The following HPSE2 variants were observed in gnomAD, a reference collection of about 807,000 sequenced individuals.
HPSE2 encodes the protein heparanase 2 (inactive).
In HPSE2, 38 loss-of-function variants were observed where a neutral mutation model predicts 60.5. The ratio of observed to expected loss-of-function variants is 0.63; its 90% CI spans 0.48 to 0.82. The LOEUF (loss-of-function observed/expected upper bound fraction) is 0.82. Among genes scored for constraint, HPSE2 ranks in the 40% least tolerant of loss-of-function variants. The pLI, the probability that HPSE2 is intolerant of heterozygous loss-of-function variation, is 0.00. For synonymous variants in HPSE2, 295 were observed against 293.2 expected (o/e 1.01, Z -0.06); for missense variants, 713 against 740.4 (o/e 0.96, Z 0.43).
intron 9 of HPSE2, among the ~76,000 whole-genome samples, chr10:98,582,393 A>C (rs1310930465): frequency 6.6e-6 from 1 of 152,240 alleles, no homozygotes; most frequent in Non-Finnish European, 1.5e-5. Context: ...AAATAATACT[A>C]TTACAGATTA....
At chr10:98,716,469 A>T (rs908693631) in intron 5 of HPSE2, among the ~76,000 whole-genome samples, 25 of 151,860 alleles carry the variant, frequency 1.6e-4, no homozygotes, top group East Asian at 5.8e-4. Flanking sequence ...AAATAAATTT[A>T]AAAAAATAAT....
intron 5 of HPSE2, among the ~76,000 whole-genome samples, chr10:98,721,321 A>C (rs1016529232): frequency 1.3e-5 from 2 of 152,162 alleles, no homozygotes; most frequent in African/African-American, 4.8e-5. Context: ...ACTGGTATAG[A>C]GTAATTTTTT....
At chr10:98,751,909 A>T (rs1458489018) in intron 3 of HPSE2, among the ~76,000 whole-genome samples, 1 of 152,230 alleles carries the variant, frequency 6.6e-6, no homozygotes, top group East Asian at 1.9e-4. Flanking sequence ...ATTACTGAGA[A>T]GTTAAAATTT....
intron 3 of HPSE2, among the ~76,000 whole-genome samples, chr10:98,749,470 T>C (rs1477632771): frequency 6.6e-6 from 1 of 151,242 alleles, no homozygotes; most frequent in Non-Finnish European, 1.5e-5. Flanking sequence ...TATATACATA[T>C]ATACATGCAT....
the HPSE2 span, among the ~76,000 whole-genome samples, chr10:99,268,788 C>G: frequency 6.6e-6 from 1 of 152,074 alleles, no homozygotes; most frequent in Non-Finnish European, 1.5e-5. Flanking sequence ...AATAGTACCT[C>G]ACATCTCAAT....
rs1955638810 is a variant in HPSE2, at chr10:98,960,708, TTTTTTTTTTTTTGTTTTATTTTTTTTA to T, written c.610+183503_610+183529del. Among the ~76,000 whole-genome samples the T allele has an allele frequency of 1.8e-4, 10 of 54,690 alleles. 1 individual carries two copies. The highest frequency in any genetic ancestry group is 8.4e-4 in the African/African-American group (9 of 10,758). 35.9% of individuals were successfully genotyped at this position (54,690 alleles called of 152,430 possible). A position where few individuals can be genotyped will look rare whatever the true frequency, so the allele number is the denominator to read the frequency against. On this transcript the variant is annotated intron_variant, in intron 3 of 11. Transcript: ENST00000370552. Reference sequence around the variant, plus strand: ...AGTTAACTATGTACATTTCTTTTTTTTTTTTTTTTTTTGTTTTATTTTTTTTATTTTATTTTTTTTTTTATTATACTC... The same window carrying T: ...AGTTAACTATGTACATTTCTTTTTTTTTTTATTTTTTTTTTTATTATACTC...
chr10:99,065,431 AC>A lies in HPSE2; in HGVS notation c.610+78806del, dbSNP rs79473873. Among the ~76,000 whole-genome samples, 184 of 151,662 alleles carry A rather than the reference AC, an allele frequency of 1.2e-3. 1 individual carries two copies. The highest frequency in any genetic ancestry group is 4.0e-3 in the African/African-American group (166 of 41,468). ...ACAAATTTACATTGATTAGTAAAAAACAAAACAAAACAAAGGAATATAGCTA... is the reference window on the plus strand; with the variant it reads ...ACAAATTTACATTGATTAGTAAAAAAAAAACAAAACAAAGGAATATAGCTA... On this transcript the variant is annotated intron_variant, in intron 3 of 11. Transcript: ENST00000370552.
chr10:99,159,460 T>C (rs1846731829), intron 2 of HPSE2, among the ~76,000 whole-genome samples: 1 of 152,202 alleles, frequency 6.6e-6, no homozygotes, highest in Non-Finnish European at 1.5e-5. Context: ...TTCATATATG[T>C]AATAAAATTT....
At chr10:99,095,958 T>C (rs1843704840) in intron 3 of HPSE2, among the ~76,000 whole-genome samples, 1 of 152,168 alleles carries the variant, frequency 6.6e-6, no homozygotes, top group Non-Finnish European at 1.5e-5. Context: ...TGGTCTTACC[T>C]TATGGTGAAA....
intron 7 of HPSE2, among the ~76,000 whole-genome samples, chr10:98,633,518 T>G (rs1589541789): frequency 1.3e-5 from 2 of 152,294 alleles, no homozygotes; most frequent in African/African-American, 4.8e-5. Flanking sequence ...CAGCCCATGA[T>G]TTTCTTAATA....
intron 3 of HPSE2, among the ~76,000 whole-genome samples, chr10:99,118,981 A>C (rs755021331): frequency 4.2e-4 from 64 of 151,812 alleles, no homozygotes; most frequent in Non-Finnish European, 7.5e-4. Context: ...GTGCCACTGC[A>C]CTCCAGCCTG....
chr10:99,215,651 C>T (rs186251803), intron 2 of HPSE2, among the ~76,000 whole-genome samples: 11 of 152,260 alleles, frequency 7.2e-5, no homozygotes, highest in South Asian at 6.2e-4. Flanking sequence ...GCGTCACAAA[C>T]GACCACATGT....
intron 3 of HPSE2, among the ~76,000 whole-genome samples, chr10:98,794,981 G>A (rs1950741475): frequency 7.0e-6 from 1 of 142,778 alleles, no homozygotes. Flanking sequence ...GGAGGGGAGG[G>A]GAGGGAAAGG....
At chr10:99,100,232 T>C (rs191188544) in intron 3 of HPSE2, among the ~76,000 whole-genome samples, 5 of 152,210 alleles carry the variant, frequency 3.3e-5, no homozygotes, top group African/African-American at 9.6e-5. Context: ...GCAAAGAAGC[T>C]AAAAACCTTG....
At chr10:98,735,576 G>T (rs1307444782) in intron 4 of HPSE2, among the ~76,000 whole-genome samples, 1 of 151,940 alleles carries the variant, frequency 6.6e-6, no homozygotes, top group African/African-American at 2.4e-5. Context: ...GCCCATGAAG[G>T]CAGCCAGGAA....
In HPSE2 at chr10:98,596,192, G is replaced by C. The variant is rs183057251; in HGVS notation, c.1320+18712C>G. Reference sequence around the variant, plus strand: ...CCTTTTAGTGACCTTATCTGGCTTTGGTATTAGAACAAATAAACTTTGATC... The same window carrying C: ...CCTTTTAGTGACCTTATCTGGCTTTCGTATTAGAACAAATAAACTTTGATC... On this transcript the variant is annotated intron_variant, in intron 9 of 11. Transcript: ENST00000370552. Among the ~76,000 whole-genome samples, 654 of 152,042 alleles carry C rather than the reference G, an allele frequency of 4.3e-3. 3 individuals carry two copies. Among genetic ancestry groups the C allele is most frequent in the African/African-American group, 0.015 (630 of 41,474 alleles).
chr10:99,091,612 A>G (rs1367784719), intron 3 of HPSE2, among the ~76,000 whole-genome samples: 3 of 152,140 alleles, frequency 2.0e-5, no homozygotes, highest in African/African-American at 7.2e-5. Context: ...TGAAGGCACA[A>G]AGTCTCCTAA....
intron 3 of HPSE2, among the ~76,000 whole-genome samples, chr10:98,772,207 G>T (rs952496902): frequency 1.3e-5 from 2 of 152,156 alleles, no homozygotes. Context: ...TCCTTGACTG[G>T]CAGACAGTTA....
intron 3 of HPSE2, among the ~76,000 whole-genome samples, chr10:98,767,584 T>C (rs1950148950): frequency 6.8e-6 from 1 of 146,398 alleles, no homozygotes; most frequent in Admixed American, 6.8e-5. Context: ...ATATATAATA[T>C]GTAGTTATAT....
Sources: gnomAD v4.1 joint callset for allele counts (sites outside exome capture counted in the v4.1 genomes callset) on GRCh38, gnomAD v4.1.1 for gene constraint, MANE v1.5 for transcripts, NCBI Gene and HGNC (gene_info 2026-07-23, HGNC 2026-07-21) for gene names.